CD8B2: variants seen among roughly 807,000 people sequenced by gnomAD.
The protein encoded by CD8B2 is CD8B family member 2.
In CD8B2, 11 loss-of-function variants were observed where a neutral mutation model predicts 23.7. The ratio of observed to expected loss-of-function variants is 0.46; its 90% CI spans 0.29 to 0.77. The LOEUF is 0.77. Among genes scored for constraint, CD8B2 ranks in the 30% least tolerant of loss-of-function variants. The pLI is 0.09. For synonymous variants in CD8B2, 90 were observed against 109.3 expected, an observed-to-expected ratio of 0.82 and a Z score of 1.10; for missense variants, 197 against 270.5, an observed-to-expected ratio of 0.73 and a Z score of 1.91.
chr2:106,522,533 C>T (rs1415284023), intron 5 of CD8B2, among the ~76,000 whole-genome samples: 1 of 152,194 alleles, frequency 6.6e-6, no homozygotes, highest in African/African-American at 2.4e-5. Context: ...ATTTCTTACT[C>T]TGTTCAGTCT....
At chr2:106,537,059 C>T (rs1329360741) in intron 5 of CD8B2, among the ~76,000 whole-genome samples, 3 of 152,066 alleles carry the variant, frequency 2.0e-5, no homozygotes, top group Non-Finnish European at 4.4e-5. Context: ...TCTGTGAGGC[C>T]CTGATCCAAC....
At chr2:106,517,310 C>G (rs1338650609) in intron 5 of CD8B2, among the ~76,000 whole-genome samples, 1 of 152,064 alleles carries the variant, frequency 6.6e-6, no homozygotes, top group African/African-American at 2.4e-5. Context: ...ATTCGGGACC[C>G]CATTTCAAGT....
chr2:106,508,866 T>A lies in CD8B2; in HGVS notation c.*1926T>A, dbSNP rs976139776. The stretch of plus-strand genomic sequence containing the variant: ...GGGTTGTAGGGAGAGTAGCCTTTGA[T>A]CCTTGGTTACTCAGTGTGGGGAGAT... On this transcript the variant is annotated 3_prime_UTR_variant, in exon 6 of 6. Coordinates refer to ENST00000643224, the MANE Select transcript of CD8B2 (RefSeq NM_001349727.2). 3.9e-5 allele frequency: 6 copies of A among 152,244 alleles called. No individual in the cohort carries two copies. The highest frequency in any genetic ancestry group is 7.3e-5 in the Non-Finnish European group (5 of 68,078). The allele number at this position is 152,244 out of a possible 1,614,324, so 9.4% of individuals were successfully genotyped here.
Position 106,504,277 on chromosome 2 carries a change from T to C in CD8B2, c.584-12T>C. The C allele has an allele frequency of 6.4e-7, 1 of 1,556,592 alleles. No individual in the cohort carries two copies. Among genetic ancestry groups the C allele is most frequent in the Non-Finnish European group, 8.7e-7 (1 of 1,149,766 alleles). On this transcript the variant is annotated splice_polypyrimidine_tract_variant and intron_variant, in intron 4 of 5. Transcript: ENST00000643224. ...GCCCACACTGACTGGCGCCCTTGCT[T>C]TCCTCTTCCAGGCCGGCGGAGGAGA...
downstream of CD8B2, among the ~76,000 whole-genome samples, chr2:106,515,257 C>T (rs552040119): frequency 6.6e-6 from 1 of 152,354 alleles, no homozygotes; most frequent in Admixed American, 6.5e-5. Flanking sequence ...GGGTTTGTGA[C>T]TGCCCAGCTA....
At chr2:106,526,244 C>CA (rs34580273) in intron 5 of CD8B2, among the ~76,000 whole-genome samples, 5,638 of 124,702 alleles carry the variant, frequency 0.045, 117 homozygotes, top group Non-Finnish European at 0.056. Flanking sequence ...GACTCCATCT[C>CA]AAAAAAAAAA....
rs527240353 is a variant in CD8B2 at position 106,488,910 on chromosome 2, A to G, written c.43+1441A>G. Among the ~76,000 whole-genome samples the G allele has an allele frequency of 3.5e-4, 53 of 152,254 alleles. No homozygotes were observed. In the East Asian group the frequency reaches 6.9e-3, roughly 20 times the overall value. ...AAAACCTCTGCTCTGCTGGAACGGC[A>G]GTGTGGTGTTTGGGGAAACAAGAGG... is the stretch of plus-strand genomic sequence containing the variant. On this transcript the variant is annotated intron_variant, in intron 1 of 5. Coordinates refer to ENST00000643224, the MANE Select transcript of CD8B2 (RefSeq NM_001349727.2).
chr2:106,537,671 CA>C (rs1453781326), intron 5 of CD8B2, among the ~76,000 whole-genome samples: 1 of 152,124 alleles, frequency 6.6e-6, no homozygotes, highest in Non-Finnish European at 1.5e-5. Flanking sequence ...GAGGAAGCGA[CA>C]AGGAATGAAA....
chr2:106,490,920 G>A lies in CD8B2; in HGVS notation c.90G>A (p.Lys30=). The part of the protein sequence containing the change: ...SVLQQTPAYI[K]VQTNKMVMLS... The stretch of plus-strand genomic sequence containing the variant: ...TCCAGCAGACCCCTGCATACATAAA[G>A]GTGCAAACCAACAAGATGGTGATGC... The change falls in exon 2 of 6, where the codon AAG becomes AAA. Residue 30 remains lysine, a synonymous_variant. Coordinates refer to ENST00000643224, the MANE Select transcript of CD8B2 (RefSeq NM_001349727.2). 3 of 1,609,186 alleles carry A rather than the reference G, an allele frequency of 1.9e-6. No homozygotes were observed. Among genetic ancestry groups the A allele is most frequent in the Non-Finnish European group, 2.5e-6 (3 of 1,177,480 alleles).
At chr2:106,539,708 T>C (rs534357815) in intron 5 of CD8B2, among the ~76,000 whole-genome samples, 145 of 152,352 alleles carry the variant, frequency 9.5e-4, no homozygotes, top group African/African-American at 3.4e-3. Flanking sequence ...CTTCAAAATA[T>C]GTGTTTGCTT....
intron 5 of CD8B2, among the ~76,000 whole-genome samples, chr2:106,516,183 C>T (rs1008113924): frequency 1.3e-5 from 2 of 152,042 alleles, no homozygotes; most frequent in Non-Finnish European, 2.9e-5. Flanking sequence ...CCTTTCTGCC[C>T]CACCCCACCG....
chr2:106,502,481 T>A lies in CD8B2; in HGVS notation c.501T>A (p.Leu167=), dbSNP rs1487755326. 6 of 1,569,936 alleles carry A rather than the reference T, an allele frequency of 3.8e-6. No individual in the cohort carries two copies. The East Asian group carries it at 1.4e-4, about 36-fold the overall frequency. The change falls in exon 4 of 6, where the codon CTT becomes CTA. Residue 167 remains leucine (L), a synonymous_variant. Coordinates refer to ENST00000643224, the MANE Select transcript of CD8B2 (RefSeq NM_001349727.2). ...CACATGTGTGTTTTCCAGGCCCACT[T>A]TGTAGCCCCGTCACCCTTGGCCTGC... ...LPRPETQKGP[L]CSPVTLGLLV... is the part of the protein sequence containing the mutation.
intron 5 of CD8B2, among the ~76,000 whole-genome samples, chr2:106,528,577 C>A (rs1679947466): frequency 6.6e-6 from 1 of 152,176 alleles, no homozygotes; most frequent in Non-Finnish European, 1.5e-5. Context: ...GGAGAATCTG[C>A]AGTCTGTTCA....
At chr2:106,517,775 C>A (rs2104566771) in intron 5 of CD8B2, among the ~76,000 whole-genome samples, 1 of 151,978 alleles carries the variant, frequency 6.6e-6, no homozygotes, top group South Asian at 2.1e-4. Flanking sequence ...TGCAGTGGCG[C>A]GATCTCGGCT....
At chr2:106,501,950 G>C (rs1679416624) in intron 3 of CD8B2, among the ~76,000 whole-genome samples, 1 of 152,112 alleles carries the variant, frequency 6.6e-6, no homozygotes, top group African/African-American at 2.4e-5. Context: ...TTGAATGTGG[G>C]ACATGAAATT....
chr2:106,501,879 T>C (rs1679414659), intron 3 of CD8B2, among the ~76,000 whole-genome samples: 2 of 152,168 alleles, frequency 1.3e-5, no homozygotes, highest in African/African-American at 4.8e-5. Flanking sequence ...AAATAAAAGT[T>C]TTAAAAATAA....
At chr2:106,492,550 G>C (rs2104550660) in intron 2 of CD8B2, among the ~76,000 whole-genome samples, 1 of 152,306 alleles carries the variant, frequency 6.6e-6, no homozygotes, top group Middle Eastern at 3.4e-3. Context: ...TGGCATATTG[G>C]ACAGAAGGCA....
intron 5 of CD8B2, among the ~76,000 whole-genome samples, chr2:106,519,062 TCATCCATC>T (rs142808385): frequency 2.0e-5 from 3 of 151,892 alleles, no homozygotes; most frequent in Non-Finnish European, 2.9e-5. Context: ...CACTGCTCCA[TCATCCATC>T]CATCCATCCA....
intron 5 of CD8B2, among the ~76,000 whole-genome samples, chr2:106,525,875 T>G (rs1401949898): frequency 2.0e-5 from 3 of 152,204 alleles, no homozygotes; most frequent in Non-Finnish European, 4.4e-5. Flanking sequence ...CGCAGTGAAG[T>G]GCAATGAAGG....
Sources: allele counts gnomAD v4.1 joint callset (sites outside exome capture counted in the v4.1 genomes callset), GRCh38; gene constraint gnomAD v4.1.1; transcripts MANE v1.5; gene names NCBI Gene and HGNC (gene_info 2026-07-23, HGNC 2026-07-21).